NRK: variants seen among roughly 807,000 people sequenced by gnomAD.
NRK encodes nik-related protein kinase.
In NRK, 67 loss-of-function variants were observed where a neutral mutation model predicts 125.2. The ratio of observed to expected loss-of-function variants is 0.54; its 90% CI spans 0.44 to 0.66. The LOEUF (loss-of-function observed/expected upper bound fraction) is 0.66. Ranked by LOEUF, NRK falls within the 30% of genes least tolerant of loss-of-function variation. The probability of loss-of-function intolerance (pLI) is 0.00; values close to 1 mark genes in which losing one functional copy is unlikely to be tolerated. For missense variants in NRK, 1,224 were observed against 1,192.9 expected, an observed-to-expected ratio of 1.03 and a Z score of -0.38; for synonymous variants, 458 against 429.0, an observed-to-expected ratio of 1.07 and a Z score of -0.84.
intron 2 of NRK, among the ~76,000 whole-genome samples, chrX:105,844,021 G>GTGTGTC (rs2039368001): frequency 2.6e-5 from 2 of 76,015 alleles, no homozygotes; most frequent in African/African-American, 1.6e-4. Context: ...GTGTGTGTCT[G>GTGTGTC]TGTGTGTGTG....
In NRK at chrX:105,917,181, A is replaced by G. The variant is rs146909439; in HGVS notation, c.2418-397A>G. Among the ~76,000 whole-genome samples the G allele has an allele frequency of 1.0e-3, 113 of 111,245 alleles. 1 individual carries two copies. The highest frequency in any genetic ancestry group is 9.9e-3 in the East Asian group (35 of 3,534). Reference sequence around the variant, plus strand: ...AGCATTTAAAATCTGGATAATAACAATAGAATATATGACATAACAGTAACT... The same window carrying G: ...AGCATTTAAAATCTGGATAATAACAGTAGAATATATGACATAACAGTAACT... On this transcript the variant is annotated intron_variant, in intron 15 of 28. Transcript: ENST00000243300.
Position 105,955,772 on chromosome X carries a change from TA to T in NRK, c.*176del. 2.6e-6 allele frequency: 1 copy of T among 387,635 alleles called. No individual in the cohort carries two copies. The highest frequency in any genetic ancestry group is 4.9e-5 in the South Asian group (1 of 20,407). 31.9% of individuals were successfully genotyped at this position (387,635 alleles called of 1,213,427 possible). On this transcript the variant is annotated 3_prime_UTR_variant, in exon 29 of 29. Transcript: ENST00000243300. Reference sequence around the variant, plus strand: ...TTAATGAGAAATGCAGCTTTATGTATAAAATTAACTATAGCAAGCTCTAGGT... The same window carrying T: ...TTAATGAGAAATGCAGCTTTATGTATAAATTAACTATAGCAAGCTCTAGGT...
chrX:105,853,539 A>G (rs1470497527), intron 2 of NRK, among the ~76,000 whole-genome samples: 1 of 112,180 alleles, frequency 8.9e-6, no homozygotes, highest in African/African-American at 3.2e-5. Flanking sequence ...AGACACACAC[A>G]CACAAATTTA....
chrX:105,873,230 T>A (rs993935470), intron 2 of NRK, among the ~76,000 whole-genome samples: 14 of 111,715 alleles, frequency 1.3e-4, no homozygotes, highest in Middle Eastern at 4.6e-3. Context: ...ATGATTTTTT[T>A]AAAAATTAGC....
intron 3 of NRK, among the ~76,000 whole-genome samples, chrX:105,880,721 G>T (rs757473562): frequency 1.8e-5 from 2 of 111,497 alleles, no homozygotes; most frequent in East Asian, 5.7e-4. Flanking sequence ...CATTTTTCAT[G>T]TATTTTCTGA....
intron 2 of NRK, among the ~76,000 whole-genome samples, chrX:105,861,067 A>G (rs1357291056): frequency 9.0e-6 from 1 of 111,369 alleles, no homozygotes; most frequent in Non-Finnish European, 1.9e-5. Flanking sequence ...GTTTTCCACC[A>G]TTACTACAGC....
chrX:105,827,530 C>T (rs2039131121), intron 1 of NRK, among the ~76,000 whole-genome samples: 1 of 111,524 alleles, frequency 9.0e-6, no homozygotes, highest in Admixed American at 9.6e-5. Context: ...CTTCCAGTTA[C>T]TCCCATCCCT....
chrX:105,924,875 T>C lies in NRK; in HGVS notation c.3156T>C (p.Ser1052=). The change falls in exon 19 of 29, where the codon AGT becomes AGC. Residue 1052 remains serine, a synonymous_variant. Transcript: ENST00000243300. ...DQEEHAANIG[S]ERRGSEGDGG... ...AAGAACATGCAGCCAATATAGGCAGTGAAAGAAGAGGCAGTGAGGGTGATG... is the reference window on the plus strand; with the variant it reads ...AAGAACATGCAGCCAATATAGGCAGCGAAAGAAGAGGCAGTGAGGGTGATG... The C allele has an allele frequency of 8.3e-7, 1 of 1,210,800 alleles. No individual in the cohort carries two copies. The highest frequency in any genetic ancestry group is 1.1e-6 in the Non-Finnish European group (1 of 895,023).
chrX:105,850,806 G>A (rs1485428553), intron 2 of NRK, among the ~76,000 whole-genome samples: 1 of 111,928 alleles, frequency 8.9e-6, no homozygotes, highest in Non-Finnish European at 1.9e-5. Flanking sequence ...CCATATCACT[G>A]TCAGCATTTT....
At chrX:105,951,996 T>A (rs2040904947) in intron 27 of NRK, among the ~76,000 whole-genome samples, 1 of 112,771 alleles carries the variant, frequency 8.9e-6, no homozygotes. Context: ...AGACTGATTT[T>A]CCTTATTTCC....
chrX:105,824,409 C>T (rs1327199349), intron 1 of NRK, among the ~76,000 whole-genome samples: 1 of 110,349 alleles, frequency 9.1e-6, no homozygotes, highest in Admixed American at 9.7e-5. Context: ...AAATGTTACC[C>T]TTCCTCCAAC....
chrX:105,906,322 T>C, intron 10 of NRK, 92 bp from the exon 11 acceptor site: 1 of 423,578 alleles, frequency 2.4e-6, no homozygotes, highest in Non-Finnish European at 3.9e-6. Context: ...TCTCTCCAAA[T>C]ATGATTTTCA....
At chrX:105,830,553 T>C (rs1261164611) in intron 1 of NRK, among the ~76,000 whole-genome samples, 1 of 110,266 alleles carries the variant, frequency 9.1e-6, no homozygotes, top group Non-Finnish European at 1.9e-5. Flanking sequence ...GATTGTGACA[T>C]GTCTATTATT....
At chrX:105,883,817 A>C (rs1026941764) in intron 4 of NRK, among the ~76,000 whole-genome samples, 2 of 112,888 alleles carry the variant, frequency 1.8e-5, no homozygotes, top group Non-Finnish European at 3.7e-5. Flanking sequence ...TCCTCTCAGC[A>C]GAACCTTGGC....
chrX:105,895,204 G>A (rs1201628684), intron 6 of NRK: 1 of 503,470 alleles, frequency 2.0e-6, no homozygotes, highest in Non-Finnish European at 3.5e-6. Context: ...CTTTTTTTTC[G>A]TGGGTGTCCT....
In NRK at chrX:105,940,081, TC is replaced by T. The variant is rs768180548; in HGVS notation, c.3958+50del. The T allele has an allele frequency of 1.5e-3, 1,365 of 911,796 alleles. 1 individual carries two copies. The highest frequency in any genetic ancestry group is 1.9e-3 in the Non-Finnish European group (1,225 of 653,252). 75.1% of individuals were successfully genotyped at this position (911,796 alleles called of 1,213,427 possible). On this transcript the variant is annotated intron_variant, in intron 23 of 28. Coordinates refer to ENST00000243300, the MANE Select transcript of NRK (RefSeq NM_198465.4). ...ACAGCTATATAAATTTTGCATCCTT[TC>T]ATTTGGTGAACTACATAATTATGAA...
At chrX:105,955,417 G>A (rs2040963008) in intron 28 of NRK, 88 bp from the exon 29 acceptor site, 2 of 501,068 alleles carry the variant, frequency 4.0e-6, no homozygotes, top group South Asian at 3.6e-5. Flanking sequence ...ATCTTAATTA[G>A]CAGATGCAGA....
chrX:105,898,859 T>C, intron 8 of NRK, 145 bp downstream of exon 8: 2 of 436,620 alleles, frequency 4.6e-6, no homozygotes, highest in Non-Finnish European at 7.3e-6. Context: ...AGCCTCTATT[T>C]CGGTAAGTGG....
intron 2 of NRK, among the ~76,000 whole-genome samples, chrX:105,834,932 T>A (rs1342053528): frequency 9.0e-6 from 1 of 111,619 alleles, no homozygotes; most frequent in Non-Finnish European, 1.9e-5. Context: ...TTTTTCATAT[T>A]TTTCACTAAA....
Sources: gnomAD v4.1 joint callset for allele counts (sites outside exome capture counted in the v4.1 genomes callset) on GRCh38, gnomAD v4.1.1 for gene constraint, MANE v1.5 for transcripts, NCBI Gene and HGNC (gene_info 2026-07-23, HGNC 2026-07-21) for gene names.